The following COX7B2 variants were observed in gnomAD, a reference collection of about 807,000 sequenced individuals.
COX7B2 encodes cytochrome c oxidase subunit 7B2, mitochondrial.
For missense variants in COX7B2, 109 were observed against 95.9 expected, an observed-to-expected ratio of 1.14 and a Z score of -0.57; for synonymous variants, 37 against 32.1, an observed-to-expected ratio of 1.15 and a Z score of -0.51.
intron 1 of COX7B2, among the ~76,000 whole-genome samples, chr4:46,908,360 C>T (rs1421482554): frequency 6.6e-6 from 1 of 152,122 alleles, no homozygotes; most frequent in African/African-American, 2.4e-5. Flanking sequence ...GTGACCAACA[C>T]CCGTTTAATA....
chr4:46,764,477 A>G (rs1307813802), intron 2 of COX7B2, among the ~76,000 whole-genome samples: 3 of 152,132 alleles, frequency 2.0e-5, no homozygotes, highest in Non-Finnish European at 2.9e-5. Context: ...TGGGAGGCGG[A>G]GGTTGCAGTG....
Position 46,809,428 on chromosome 4 carries a change from A to C in COX7B2, c.-50+35532T>G, listed in dbSNP as rs190316047. On this transcript the variant is annotated intron_variant, in intron 2 of 2. Coordinates refer to ENST00000355591, the MANE Select transcript of COX7B2 (RefSeq NM_130902.3). ...GTTTATTTCTATAAACTTTCCTCTA[A>C]AACTGCTTTTGCTGTCTTCCATAAG... Among the ~76,000 whole-genome samples the C allele has an allele frequency of 9.3e-3, 1,408 of 151,884 alleles. 12 individuals carry two copies. The highest frequency in any genetic ancestry group is 0.015 in the Non-Finnish European group (1,001 of 67,766).
chr4:46,901,168 G>C (rs964590303), intron 1 of COX7B2, among the ~76,000 whole-genome samples: 1 of 152,048 alleles, frequency 6.6e-6, no homozygotes, highest in Non-Finnish European at 1.5e-5. Flanking sequence ...GATGATCCTC[G>C]TTCATTTTAT....
In COX7B2 at chr4:46,881,245, G is replaced by C. The variant is rs184674497; in HGVS notation, c.-105+27915C>G. Among the ~76,000 whole-genome samples, 39 of 152,242 alleles carry C rather than the reference G, an allele frequency of 2.6e-4. No homozygotes were observed. In the East Asian group the frequency reaches 7.2e-3, roughly 28 times the overall value. On this transcript the variant is annotated intron_variant, in intron 1 of 2. Transcript: ENST00000355591. The stretch of plus-strand genomic sequence containing the variant: ...AGCTTAGTTTTATACATTTTAGGGA[G>C]ACATGAGACACCAATCAATACATGT...
chr4:46,881,929 C>G (rs1179164087), intron 1 of COX7B2, among the ~76,000 whole-genome samples: 3 of 152,108 alleles, frequency 2.0e-5, no homozygotes, highest in Non-Finnish European at 2.9e-5. Flanking sequence ...TGATGTGGGC[C>G]TTTAGTGCTA....
At chr4:46,802,962 T>A (rs950277655) in intron 2 of COX7B2, among the ~76,000 whole-genome samples, 1 of 152,142 alleles carries the variant, frequency 6.6e-6, no homozygotes, top group South Asian at 2.1e-4. Context: ...AAGTCCTACG[T>A]TCCACTCCCA....
In COX7B2 at chr4:46,735,088, A is replaced by C; in HGVS notation, c.105T>G (p.His35Gln). The change falls in exon 3 of 3, where the codon CAT becomes CAG. Residue 35 changes from histidine to glutamine, a missense_variant. By Grantham distance (24) the His-to-Gln change is conservative (BLOSUM62 0). Transcript: ENST00000355591. The stretch of plus-strand genomic sequence containing the variant: ...CTAGCACAGCATTACCATATTTATC[A>C]TGAAAATCTGGTGAGTGTTTTACAT... ...HSHVKHSPDF[H>Q]DKYGNAVLAS... 6.2e-7 allele frequency: 1 copy of C among 1,614,030 alleles called. No individual in the cohort carries two copies. The highest frequency in any genetic ancestry group is 8.5e-7 in the Non-Finnish European group (1 of 1,179,964).
At chr4:46,751,625 T>A (rs1177415787) in intron 2 of COX7B2, among the ~76,000 whole-genome samples, 1 of 151,972 alleles carries the variant, frequency 6.6e-6, no homozygotes, top group Non-Finnish European at 1.5e-5. Flanking sequence ...ACTTGTAGTA[T>A]GAGATAAACT....
At chr4:46,842,405 TTTA>T (rs1341918208) in intron 2 of COX7B2, among the ~76,000 whole-genome samples, 1 of 151,962 alleles carries the variant, frequency 6.6e-6, no homozygotes, top group Non-Finnish European at 1.5e-5. Context: ...CTTTTTTTAT[TTTA>T]TTATTATTAT....
chr4:46,877,443 GC>G (rs1718415129), intron 1 of COX7B2, among the ~76,000 whole-genome samples: 1 of 152,072 alleles, frequency 6.6e-6, no homozygotes, highest in South Asian at 2.1e-4. Flanking sequence ...CATTGTGACC[GC>G]AAACTTTTCT....
chr4:46,860,761 T>A (rs993161774), intron 1 of COX7B2, among the ~76,000 whole-genome samples: 2 of 152,116 alleles, frequency 1.3e-5, no homozygotes, highest in African/African-American at 4.8e-5. Context: ...TCATTTACAG[T>A]TTTTGCTTTT....
chr4:46,825,829 G>A (rs2109709307), intron 2 of COX7B2, among the ~76,000 whole-genome samples: 1 of 152,278 alleles, frequency 6.6e-6, no homozygotes, highest in South Asian at 2.1e-4. Context: ...CTAGCCATAT[G>A]CAGAAGATTG....
At chr4:46,881,055 A>G (rs1577692200) in intron 1 of COX7B2, among the ~76,000 whole-genome samples, 2 of 149,926 alleles carry the variant, frequency 1.3e-5, no homozygotes, top group African/African-American at 4.9e-5. Context: ...TCATGTCTCA[A>G]TTTTCTTCAA....
chr4:46,803,023 T>A (rs1055070911), intron 2 of COX7B2, among the ~76,000 whole-genome samples: 1 of 152,190 alleles, frequency 6.6e-6, no homozygotes, highest in Non-Finnish European at 1.5e-5. Flanking sequence ...TATAAGGAAG[T>A]AGATTCCATA....
intron 2 of COX7B2, among the ~76,000 whole-genome samples, chr4:46,742,393 T>C (rs1714768973): frequency 1.3e-5 from 2 of 152,210 alleles, no homozygotes; most frequent in Admixed American, 6.5e-5. Flanking sequence ...AATTCATTTA[T>C]GTATTTGTCA....
At chr4:46,844,749 A>G (rs539699945) in intron 2 of COX7B2, among the ~76,000 whole-genome samples, 1 of 152,158 alleles carries the variant, frequency 6.6e-6, no homozygotes, top group South Asian at 2.1e-4. Flanking sequence ...TTTATTTTTG[A>G]AACATTTGTC....
At chr4:46,862,007 C>T (rs1443986481) in intron 1 of COX7B2, among the ~76,000 whole-genome samples, 4 of 152,158 alleles carry the variant, frequency 2.6e-5, no homozygotes, top group African/African-American at 7.2e-5. Context: ...TCCCAGACCC[C>T]TGACTTGATG....
At chr4:46,848,529 T>C (rs1398212923) in intron 1 of COX7B2, among the ~76,000 whole-genome samples, 1 of 152,094 alleles carries the variant, frequency 6.6e-6, no homozygotes, top group East Asian at 1.9e-4. Context: ...TCAGCTTTAA[T>C]CTATATTTAT....
chr4:46,748,939 ACT>A (rs1337937468), intron 2 of COX7B2, among the ~76,000 whole-genome samples: 2 of 152,060 alleles, frequency 1.3e-5, no homozygotes, highest in Non-Finnish European at 2.9e-5. Context: ...GCATATATGA[ACT>A]CTCTTGTTAC....
Sources: gnomAD v4.1 joint callset for allele counts (sites outside exome capture counted in the v4.1 genomes callset) on GRCh38, gnomAD v4.1.1 for gene constraint, MANE v1.5 for transcripts, NCBI Gene and HGNC (gene_info 2026-07-23, HGNC 2026-07-21) for gene names.